MNAT1: variants seen among roughly 807,000 people sequenced by gnomAD.
MNAT1 encodes the protein CDK-activating kinase assembly factor MAT1.
MNAT1 carries 43 observed loss-of-function variants against 42.0 expected under a neutral mutation model. That is an observed-to-expected ratio of 1.02 (90% CI 0.80 to 1.32). MNAT1 has a LOEUF of 1.32. MNAT1 is among the 40% of genes most tolerant of loss of function. MNAT1 has a pLI of 0.00. For synonymous variants in MNAT1, 118 were observed against 120.0 expected, an observed-to-expected ratio of 0.98 and a Z score of 0.11; for missense variants, 306 against 350.4, an observed-to-expected ratio of 0.87 and a Z score of 1.01.
intron 7 of MNAT1, among the ~76,000 whole-genome samples, chr14:60,886,520 T>C (rs1009421555): frequency 6.6e-6 from 1 of 152,022 alleles, no homozygotes; most frequent in African/African-American, 2.4e-5. Flanking sequence ...AAAAGGCTAA[T>C]GTAATGTTTT....
intron 1 of MNAT1, among the ~76,000 whole-genome samples, chr14:60,789,800 T>C (rs1024419390): frequency 6.6e-6 from 1 of 152,110 alleles, no homozygotes; most frequent in Non-Finnish European, 1.5e-5. Flanking sequence ...TTTCAGAAAA[T>C]GTTCTTGGCT....
intron 1 of MNAT1, among the ~76,000 whole-genome samples, chr14:60,747,056 G>T (rs1449776930): frequency 2.7e-5 from 4 of 146,904 alleles, no homozygotes; most frequent in Non-Finnish European, 6.0e-5. Flanking sequence ...TGCGATCTCG[G>T]CTCACTGCAA....
chr14:60,907,542 A>G (rs1452480382), intron 7 of MNAT1, among the ~76,000 whole-genome samples: 1 of 151,734 alleles, frequency 6.6e-6, no homozygotes, highest in African/African-American at 2.4e-5. Flanking sequence ...TCCTAGAATC[A>G]GGCCTAAGCG....
At chr14:60,938,036 T>C (rs1445988040) in intron 7 of MNAT1, among the ~76,000 whole-genome samples, 1 of 152,192 alleles carries the variant, frequency 6.6e-6, no homozygotes, top group African/African-American at 2.4e-5. Context: ...TTGTCTGTTA[T>C]TGGTGTAGAA....
At chr14:60,816,291 C>G (rs980507046) in intron 5 of MNAT1, among the ~76,000 whole-genome samples, 1 of 150,544 alleles carries the variant, frequency 6.6e-6, no homozygotes, top group Non-Finnish European at 1.5e-5. Flanking sequence ...GCTAAAAGGT[C>G]CATTTATTTA....
At chr14:60,855,293 G>A (rs1190991497) in intron 6 of MNAT1, among the ~76,000 whole-genome samples, 1 of 151,864 alleles carries the variant, frequency 6.6e-6, no homozygotes, top group Non-Finnish European at 1.5e-5. Context: ...TGGCTCTCTG[G>A]CTTCAGCCCC....
At chr14:60,779,740 C>T (rs573375626) in intron 1 of MNAT1, among the ~76,000 whole-genome samples, 1 of 151,210 alleles carries the variant, frequency 6.6e-6, no homozygotes, top group South Asian at 2.1e-4. Context: ...GAGCCGAGAT[C>T]GCACCACTGC....
intron 1 of MNAT1, among the ~76,000 whole-genome samples, chr14:60,773,304 T>C (rs900725448): frequency 6.6e-6 from 1 of 152,280 alleles, no homozygotes; most frequent in East Asian, 1.9e-4. Context: ...GGAGTTGTTA[T>C]GTTTGATGTA....
chr14:60,857,338 G>A (rs1405065973), intron 6 of MNAT1, among the ~76,000 whole-genome samples: 1 of 151,980 alleles, frequency 6.6e-6, no homozygotes, highest in Non-Finnish European at 1.5e-5. Context: ...AGAGGTAACT[G>A]CAGATGTGGT....
intron 2 of MNAT1, 34 bp downstream of exon 2, chr14:60,796,403 A>G (rs758992957): frequency 1.9e-6 from 3 of 1,586,134 alleles, no homozygotes; most frequent in Admixed American, 3.5e-5. Flanking sequence ...TCAGTCAACA[A>G]AGAGGACTTT....
Position 60,947,788 on chromosome 14 carries a change from C to T in MNAT1, c.810-20441C>T, listed in dbSNP as rs148437092. Among the ~76,000 whole-genome samples, 22 of 152,322 alleles carry T rather than the reference C, an allele frequency of 1.4e-4. No homozygotes were observed. The East Asian group carries it at 4.2e-3, about 29-fold the overall frequency. On this transcript the variant is annotated intron_variant, in intron 7 of 7. Coordinates refer to ENST00000261245, the MANE Select transcript of MNAT1 (RefSeq NM_002431.4). ...GACACTTCTGTCATTCTACCTGTGT[C>T]TGACCAGTACTTCACTCAGTTCTTT...
chr14:60,770,191 C>G (rs2030997780), intron 1 of MNAT1, among the ~76,000 whole-genome samples: 1 of 152,032 alleles, frequency 6.6e-6, no homozygotes. Context: ...TAGTATTTGT[C>G]TTTTTGTGAC....
chr14:60,824,584 C>T (rs918133505), intron 6 of MNAT1, among the ~76,000 whole-genome samples: 7 of 152,052 alleles, frequency 4.6e-5, no homozygotes, highest in African/African-American at 7.2e-5. Flanking sequence ...ATGGGCATAA[C>T]AGGATTAAAT....
intron 7 of MNAT1, among the ~76,000 whole-genome samples, chr14:60,904,623 A>G (rs1302446413): frequency 6.6e-6 from 1 of 152,216 alleles, no homozygotes; most frequent in African/African-American, 2.4e-5. Context: ...TTACAAGGTC[A>G]CTGAGGAAAT....
At chr14:60,849,657 A>C (rs1473525169) in intron 6 of MNAT1, among the ~76,000 whole-genome samples, 1 of 152,154 alleles carries the variant, frequency 6.6e-6, no homozygotes, top group Non-Finnish European at 1.5e-5. Context: ...TACAGATATG[A>C]TCACTAAGCA....
At chr14:60,746,192 T>A (rs577651307) in intron 1 of MNAT1, among the ~76,000 whole-genome samples, 1 of 152,248 alleles carries the variant, frequency 6.6e-6, no homozygotes, top group East Asian at 1.9e-4. Context: ...CCCCTGAAGC[T>A]CTTAAAATTT....
intron 1 of MNAT1, among the ~76,000 whole-genome samples, chr14:60,788,982 A>C (rs928970747): frequency 6.6e-6 from 1 of 152,094 alleles, no homozygotes; most frequent in African/African-American, 2.4e-5. Flanking sequence ...CTTTGCATTC[A>C]TGACTTGGCT....
chr14:60,927,404 T>C (rs997519246), intron 7 of MNAT1, among the ~76,000 whole-genome samples: 2 of 152,222 alleles, frequency 1.3e-5, no homozygotes, highest in African/African-American at 2.4e-5. Flanking sequence ...ATTTTAAATA[T>C]ATGATTCAGT....
intron 6 of MNAT1, among the ~76,000 whole-genome samples, chr14:60,852,295 C>A (rs2033843429): frequency 6.6e-6 from 1 of 152,074 alleles, no homozygotes; most frequent in African/African-American, 2.4e-5. Flanking sequence ...TGATAATGAG[C>A]CTTTTTTAAT....
Sources: allele counts gnomAD v4.1 joint callset (sites outside exome capture counted in the v4.1 genomes callset), GRCh38; gene constraint gnomAD v4.1.1; transcripts MANE v1.5; gene names NCBI Gene and HGNC (gene_info 2026-07-23, HGNC 2026-07-21).